DNAJC15: variants seen among roughly 807,000 people sequenced by gnomAD.
DNAJC15 encodes DnaJ heat shock protein family (Hsp40) member C15.
DNAJC15 carries 27 observed loss-of-function variants against 22.4 expected under a neutral mutation model. The ratio of observed to expected loss-of-function variants is 1.20; its 90% CI spans 0.89 to 1.66. The LOEUF (loss-of-function observed/expected upper bound fraction) is 1.66. Among genes scored for constraint, DNAJC15 ranks in the 40% most tolerant of loss-of-function variants. DNAJC15 has a pLI of 0.00. For synonymous variants in DNAJC15, 79 were observed against 63.2 expected (o/e 1.25, Z -1.19); for missense variants, 208 against 187.1 (o/e 1.11, Z -0.65).
At chr13:43,044,838 C>T (rs551930688) in intron 1 of DNAJC15, among the ~76,000 whole-genome samples, 12 of 152,106 alleles carry the variant, frequency 7.9e-5, no homozygotes, top group South Asian at 2.1e-4. Flanking sequence ...CATCATTAAT[C>T]GCTGTAGCCC....
At chr13:43,070,242 C>T (rs934991711) in intron 3 of DNAJC15, among the ~76,000 whole-genome samples, 14 of 152,160 alleles carry the variant, frequency 9.2e-5, no homozygotes, top group African/African-American at 2.7e-4. Flanking sequence ...AGTGATTTTA[C>T]AGTCCTATAA....
chr13:43,054,397 G>C (rs1357760190), intron 1 of DNAJC15, among the ~76,000 whole-genome samples: 1 of 152,090 alleles, frequency 6.6e-6, no homozygotes, highest in Non-Finnish European at 1.5e-5. Context: ...CCTGGTTTTG[G>C]TATTAGGGTG....
At chr13:43,047,748 G>A (rs531737189) in intron 1 of DNAJC15, among the ~76,000 whole-genome samples, 48 of 152,296 alleles carry the variant, frequency 3.2e-4, no homozygotes, top group African/African-American at 1.1e-3. Flanking sequence ...GGAGTAGAAA[G>A]TATAAGGGGC....
chr13:43,107,291 G>GAAA lies in DNAJC15; in HGVS notation c.*53_*55dup, dbSNP rs61651931. ...GAAGGAAAAAAAAAGAGGGGACTTC[G>GAAA]AAAAAAAAAAAAGCCCTGCAAAATA... On this transcript the variant is annotated 3_prime_UTR_variant, in exon 6 of 6. Transcript: ENST00000379221. 5.7e-6 allele frequency: 7 copies of GAAA among 1,235,670 alleles called. No individual in the cohort carries two copies. The highest frequency in any genetic ancestry group is 3.4e-5 in the African/African-American group (2 of 59,506). The allele number at this position is 1,235,670 out of a possible 1,614,324, so 76.5% of individuals were successfully genotyped here.
Position 43,037,777 on chromosome 13 carries a change from GTCA to G in DNAJC15, c.108+14049_108+14051del, listed in dbSNP as rs1235778963. 3.9e-5 allele frequency among the ~76,000 whole-genome samples: 6 copies of G among 152,304 alleles called. No individual in the cohort carries two copies. The East Asian group carries it at 1.2e-3, about 29-fold the overall frequency. ...TTATCAACCCAAGGAATTAGGTGCA[GTCA>G]TCATCCTCATTTTACAGATGAAGGA... On this transcript the variant is annotated intron_variant, in intron 1 of 5. Transcript: ENST00000379221.
chr13:43,051,559 T>C (rs530490903), intron 1 of DNAJC15, among the ~76,000 whole-genome samples: 1 of 152,310 alleles, frequency 6.6e-6, no homozygotes, highest in South Asian at 2.1e-4. Flanking sequence ...TCGCTTAGAA[T>C]AATGGTCTCC....
Position 43,023,617 on chromosome 13 carries a change from C to A in DNAJC15, c.-10C>A, listed in dbSNP as rs1281946548. 3.1e-6 allele frequency: 5 copies of A among 1,605,904 alleles called. No homozygotes were observed. The highest frequency in any genetic ancestry group is 4.3e-6 in the Non-Finnish European group (5 of 1,176,348). Reference sequence around the variant, plus strand: ...TGCCGCGGCGCCTTGAGTCTCCGGGCCGCCTTGCCATGGCTGCCCGTGGTG... The same window carrying A: ...TGCCGCGGCGCCTTGAGTCTCCGGGACGCCTTGCCATGGCTGCCCGTGGTG... On this transcript the variant is annotated 5_prime_UTR_variant, in exon 1 of 6. Transcript: ENST00000379221.
intron 1 of DNAJC15, among the ~76,000 whole-genome samples, chr13:43,061,698 A>G (rs1357418635): frequency 2.6e-5 from 4 of 152,178 alleles, no homozygotes; most frequent in Non-Finnish European, 5.9e-5. Flanking sequence ...ACCAAATCTC[A>G]TTTGTATTCA....
rs996490774 is a variant in DNAJC15, at chr13:43,058,420, C to A, written c.109-7266C>A. On this transcript the variant is annotated intron_variant, in intron 1 of 5. Coordinates refer to ENST00000379221, the MANE Select transcript of DNAJC15 (RefSeq NM_013238.3). The stretch of plus-strand genomic sequence containing the variant: ...GGCGGCAGTGTGTAGAGAAGGATCA[C>A]CAGGTTGGGGAAGGGTGAGGCTTGT... Among the ~76,000 whole-genome samples, 10 of 152,162 alleles carry A rather than the reference C, an allele frequency of 6.6e-5. No individual in the cohort carries two copies. The Middle Eastern group carries it at 0.01, about 155-fold the overall frequency.
intron 1 of DNAJC15, among the ~76,000 whole-genome samples, chr13:43,052,848 T>C (rs1186904929): frequency 2.6e-5 from 4 of 152,252 alleles, no homozygotes; most frequent in African/African-American, 9.6e-5. Flanking sequence ...GTGGGTTGTT[T>C]ATTCTGCTGA....
In DNAJC15 at chr13:43,046,785, C is replaced by T. The variant is rs141448335; in HGVS notation, c.109-18901C>T. The stretch of plus-strand genomic sequence containing the variant: ...AGCTGAGCTTTTGCTCGCTGTCCAC[C>T]GCTGCTGTTTGCTGCCGTCGCAGAC... On this transcript the variant is annotated intron_variant, in intron 1 of 5. Coordinates refer to ENST00000379221, the MANE Select transcript of DNAJC15 (RefSeq NM_013238.3). Among the ~76,000 whole-genome samples, 33 of 152,278 alleles carry T rather than the reference C, an allele frequency of 2.2e-4. 1 individual carries two copies. In the South Asian group the frequency reaches 2.3e-3, roughly 11 times the overall value.
chr13:43,059,075 C>T (rs182762151), intron 1 of DNAJC15, among the ~76,000 whole-genome samples: 4 of 152,248 alleles, frequency 2.6e-5, no homozygotes, highest in African/African-American at 9.6e-5. Flanking sequence ...CAAAAGTTCA[C>T]GGTGTGAGTC....
In DNAJC15 at chr13:43,090,572, GAA is replaced by G. The variant is rs920082574; in HGVS notation, c.382+4740_382+4741del. Among the ~76,000 whole-genome samples, 4 of 152,088 alleles carry G rather than the reference GAA, an allele frequency of 2.6e-5. No individual in the cohort carries two copies. The South Asian group carries it at 8.3e-4, about 32-fold the overall frequency. On this transcript the variant is annotated intron_variant, in intron 5 of 5. Transcript: ENST00000379221. Reference sequence around the variant, plus strand: ...AGGGGAAAATTTTGCCTCTATTCATGAAAAAAACTAACTGGTTATTTTGCCTT... The same window carrying G: ...AGGGGAAAATTTTGCCTCTATTCATGAAAAACTAACTGGTTATTTTGCCTT...
In DNAJC15 at chr13:43,083,352, A is replaced by G. The variant is rs973835695; in HGVS notation, c.312-2416A>G. Among the ~76,000 whole-genome samples, 3 of 152,246 alleles carry G rather than the reference A, an allele frequency of 2.0e-5. No homozygotes were observed. The East Asian group carries it at 5.8e-4, about 29-fold the overall frequency. On this transcript the variant is annotated intron_variant, in intron 4 of 5. Transcript: ENST00000379221. ...CTGGCTAATTTTTTGTAGTTTTAGT[A>G]GAGACAGGGTTTCACCATGTTAGCC...
chr13:43,083,182 T>C (rs755609053), intron 4 of DNAJC15, among the ~76,000 whole-genome samples: 1 of 152,096 alleles, frequency 6.6e-6, no homozygotes, highest in Non-Finnish European at 1.5e-5. Flanking sequence ...TTTTGTTTTT[T>C]TTTGAGACGG....
Position 43,107,356 on chromosome 13 carries a change from CCA to C in DNAJC15, c.*111_*112del. 1 of 853,166 alleles carries C rather than the reference CCA, an allele frequency of 1.2e-6. No homozygotes were observed. Among genetic ancestry groups the C allele is most frequent in the Non-Finnish European group, 1.7e-6 (1 of 598,966 alleles). 52.8% of individuals were successfully genotyped at this position (853,166 alleles called of 1,614,324 possible). The stretch of plus-strand genomic sequence containing the variant: ...CTTCTTAATTTTCTATATGGATTGA[CCA>C]CAGTCTTATCTTCCACCATTAAGCT... On this transcript the variant is annotated 3_prime_UTR_variant, in exon 6 of 6. Transcript: ENST00000379221.
chr13:43,057,630 T>G (rs919622022), intron 1 of DNAJC15, among the ~76,000 whole-genome samples: 2 of 152,226 alleles, frequency 1.3e-5, no homozygotes, highest in African/African-American at 4.8e-5. Flanking sequence ...TTTGGATCCA[T>G]TGCTGGTGAG....
chr13:43,095,950 A>G (rs182522544), intron 5 of DNAJC15, among the ~76,000 whole-genome samples: 208 of 152,302 alleles, frequency 1.4e-3, no homozygotes, highest in South Asian at 3.3e-3. Flanking sequence ...GGAGGAGAGA[A>G]ATGGAATATT....
chr13:43,070,937 G>C (rs536323518), intron 3 of DNAJC15, among the ~76,000 whole-genome samples: 1 of 152,270 alleles, frequency 6.6e-6, no homozygotes, highest in South Asian at 2.1e-4. Context: ...GGTGATAGAT[G>C]ATGGTGGCTT....
Sources: gnomAD v4.1 joint callset for allele counts (sites outside exome capture counted in the v4.1 genomes callset) on GRCh38, gnomAD v4.1.1 for gene constraint, MANE v1.5 for transcripts, NCBI Gene and HGNC (gene_info 2026-07-23, HGNC 2026-07-21) for gene names.